The following SLC1A6 variants were observed in gnomAD, a reference collection of about 807,000 sequenced individuals.
SLC1A6 encodes the protein solute carrier family 1 member 6, also known as excitatory amino acid transporter 4.
Under a neutral mutation model 42.1 loss-of-function variants are expected in SLC1A6, and 15 were observed. The ratio of observed to expected loss-of-function variants is 0.36; its 90% CI spans 0.24 to 0.55. The LOEUF is 0.55. Ranked by LOEUF, SLC1A6 falls within the 20% of genes least tolerant of loss-of-function variation. SLC1A6 has a pLI of 0.88. For missense variants in SLC1A6, 542 were observed against 772.5 expected (o/e 0.70, Z 3.54); for synonymous variants, 317 against 319.7 (o/e 0.99, Z 0.09).
upstream of SLC1A6, among the ~76,000 whole-genome samples, chr19:14,984,628 C>T (rs2045784222): frequency 1.3e-5 from 2 of 152,194 alleles, no homozygotes; most frequent in Non-Finnish European, 2.9e-5. Context: ...TTCTTGCATT[C>T]TGTTAATATT....
intron 3 of SLC1A6, among the ~76,000 whole-genome samples, chr19:14,969,974 C>T (rs879517381): frequency 6.7e-6 from 1 of 148,156 alleles, no homozygotes; most frequent in Non-Finnish European, 1.5e-5. Flanking sequence ...AAGACAAGCC[C>T]TCCTCTTCTT....
chr19:14,980,567 G>A (rs2023925), upstream of SLC1A6, among the ~76,000 whole-genome samples: 1 of 150,958 alleles, frequency 6.6e-6, no homozygotes, highest in East Asian at 2.0e-4. Context: ...CGAGGCGGGA[G>A]GATCACTTGA....
In SLC1A6 at chr19:14,969,124, G is replaced by A. The variant is rs573038563; in HGVS notation, c.344-617C>T. ...CAAAGTGCTGGGATTACAGGCATGAGCCACTGCGCCTGGCCCATAACCTAA... is the reference window on the plus strand; with the variant it reads ...CAAAGTGCTGGGATTACAGGCATGAACCACTGCGCCTGGCCCATAACCTAA... On this transcript the variant is annotated intron_variant, in intron 3 of 9. Transcript: ENST00000594383. Among the ~76,000 whole-genome samples, 121 of 152,292 alleles carry A rather than the reference G, an allele frequency of 7.9e-4. 1 individual carries two copies. Among genetic ancestry groups the A allele is most frequent in the African/African-American group, 2.8e-3 (115 of 41,570 alleles).
intron 1 of SLC1A6, among the ~76,000 whole-genome samples, chr19:15,008,025 C>G (rs536901120): frequency 1.6e-5 from 2 of 126,372 alleles, no homozygotes; most frequent in East Asian, 3.2e-4. Flanking sequence ...AAGTCTGCCC[C>G]CCCCCCAAAA....
At chr19:14,989,148 C>T (rs755658038) in intron 1 of SLC1A6, among the ~76,000 whole-genome samples, 1 of 152,158 alleles carries the variant, frequency 6.6e-6, no homozygotes, top group Non-Finnish European at 1.5e-5. Flanking sequence ...GGATGAGACA[C>T]TACCTGTTAG....
intron 8 of SLC1A6, among the ~76,000 whole-genome samples, chr19:14,953,728 A>G (rs1005875532): frequency 2.6e-5 from 4 of 152,168 alleles, no homozygotes; most frequent in African/African-American, 7.2e-5. Flanking sequence ...GGAGATGACA[A>G]TGTTCACTGT....
intron 1 of SLC1A6, chr19:14,974,975 T>C (rs1258610095): frequency 2.0e-5 from 3 of 152,068 alleles, no homozygotes; most frequent in African/African-American, 7.2e-5. Context: ...AGTGCTGGGA[T>C]TGTAGGCATG....
At chr19:14,957,413 A>G (rs1242342641) in intron 6 of SLC1A6, among the ~76,000 whole-genome samples, 1 of 152,114 alleles carries the variant, frequency 6.6e-6, no homozygotes, top group Non-Finnish European at 1.5e-5. Flanking sequence ...TTGGGAGGTG[A>G]TTAGGTCATG....
At chr19:14,974,494 C>T (rs2045681615) in intron 1 of SLC1A6, 1 of 151,474 alleles carries the variant, frequency 6.6e-6, no homozygotes, top group African/African-American at 2.4e-5. Flanking sequence ...AAAACTTGCC[C>T]ATCTGTCTAC....
intron 6 of SLC1A6, 131 bp from the exon 7 acceptor site, chr19:14,956,840 T>G (rs2045467561): frequency 1.7e-6 from 1 of 597,948 alleles, no homozygotes; most frequent in African/African-American, 1.9e-5. Context: ...GGCACCCTAC[T>G]CCATCCCAGT....
chr19:14,955,647 AT>A lies in SLC1A6; in HGVS notation c.1169+828del, dbSNP rs370402982. Among the ~76,000 whole-genome samples, 82 of 150,758 alleles carry A rather than the reference AT, an allele frequency of 5.4e-4. 1 individual carries two copies. Among genetic ancestry groups the A allele is most frequent in the African/African-American group, 1.9e-3 (77 of 40,914 alleles). On this transcript the variant is annotated intron_variant, in intron 7 of 9. Transcript: ENST00000594383. Reference sequence around the variant, plus strand: ...CGAAAAAGAAAAAGAAAAAAAAGATATTTTTGGCCGGGCGTGGCGGCTTACA... The same window carrying A: ...CGAAAAAGAAAAAGAAAAAAAAGATATTTTGGCCGGGCGTGGCGGCTTACA...
intron 1 of SLC1A6, among the ~76,000 whole-genome samples, chr19:14,976,228 T>C (rs1406476534): frequency 1.3e-5 from 2 of 152,192 alleles, no homozygotes; most frequent in Non-Finnish European, 2.9e-5. Context: ...TGCACTGGCA[T>C]GTTTCATCAC....
intron 1 of SLC1A6, among the ~76,000 whole-genome samples, chr19:14,995,326 C>CAAAAAAAAAAA (rs1173848535): frequency 2.3e-4 from 12 of 52,998 alleles, no homozygotes; most frequent in Admixed American, 5.5e-4. Flanking sequence ...ACTCCATCTC[C>CAAAAAAAAAAA]AAAAAAAAAA....
intron 7 of SLC1A6, 54 bp downstream of exon 7, chr19:14,956,422 G>A (rs1023918464): frequency 8.2e-7 from 1 of 1,215,148 alleles, no homozygotes; most frequent in Non-Finnish European, 1.2e-6. Flanking sequence ...GAGAGGACAT[G>A]AAGGACAAGA....
intron 1 of SLC1A6, chr19:14,976,736 CG>C (rs893745365): frequency 6.6e-6 from 1 of 151,976 alleles, no homozygotes; most frequent in Admixed American, 6.6e-5. Context: ...TTTTCTCACC[CG>C]CACCCCAGCC....
chr19:14,954,057 T>TACCACCCCAACCCA, intron 8 of SLC1A6, 78 bp downstream of exon 8: 1 of 997,540 alleles, frequency 1.0e-6, no homozygotes, highest in Non-Finnish European at 1.5e-6. Context: ...GGCCCCCTCC[T>TACCACCCCAACCCA]CCCTCCCCAA....
intron 1 of SLC1A6, among the ~76,000 whole-genome samples, chr19:14,999,313 C>T (rs1189053473): frequency 1.3e-5 from 2 of 152,154 alleles, no homozygotes; most frequent in African/African-American, 4.8e-5. Flanking sequence ...TTTATATAAA[C>T]TCTTTCAACC....
chr19:14,952,070 G>A (rs12978810), intron 9 of SLC1A6, among the ~76,000 whole-genome samples: 2 of 151,134 alleles, frequency 1.3e-5, no homozygotes, highest in East Asian at 2.0e-4. Context: ...CTTTGGCCTC[G>A]CAAAGTGCTG....
chr19:14,965,776 A>C (rs556440052), intron 4 of SLC1A6, among the ~76,000 whole-genome samples: 1 of 151,824 alleles, frequency 6.6e-6, no homozygotes, highest in Admixed American at 6.6e-5. Flanking sequence ...CTTGAACCCG[A>C]AAGGCAGAGG....
Sources: allele counts gnomAD v4.1 joint callset (sites outside exome capture counted in the v4.1 genomes callset), GRCh38; gene constraint gnomAD v4.1.1; transcripts MANE v1.5; gene names NCBI Gene and HGNC (gene_info 2026-07-23, HGNC 2026-07-21).